Variants in LRP1B observed in about 807,000 individuals in gnomAD.
The protein encoded by LRP1B is low-density lipoprotein receptor-related protein 1B.
LRP1B carries 217 observed loss-of-function variants against 556.6 expected under a neutral mutation model. The ratio of observed to expected loss-of-function variants is 0.39; its 90% CI spans 0.35 to 0.44. LRP1B has a LOEUF of 0.44. LRP1B is among the 20% of genes least tolerant of loss of function. LRP1B has a pLI of 1.00. For missense variants in LRP1B, 5,053 were observed against 5,620.8 expected, an observed-to-expected ratio of 0.90 and a Z score of 3.23; for synonymous variants, 2,047 against 1,865.8, an observed-to-expected ratio of 1.10 and a Z score of -2.50.
intron 3 of LRP1B, among the ~76,000 whole-genome samples, chr2:141,444,463 GTAGAA>G (rs1306977839): frequency 6.6e-6 from 1 of 152,170 alleles, no homozygotes; most frequent in Non-Finnish European, 1.5e-5. Flanking sequence ...CCAATACTAT[GTAGAA>G]TAGGAGTGGT....
intron 77 of LRP1B, among the ~76,000 whole-genome samples, chr2:140,347,824 G>C (rs563144663): frequency 1.3e-5 from 2 of 152,028 alleles, no homozygotes; most frequent in East Asian, 1.9e-4. Flanking sequence ...CAAGGGGTGG[G>C]AAAGTCTCCG....
chr2:140,746,562 G>T (rs1033600277), intron 35 of LRP1B, among the ~76,000 whole-genome samples: 25 of 152,174 alleles, frequency 1.6e-4, no homozygotes, highest in African/African-American at 5.5e-4. Context: ...AGCTAGAAAT[G>T]ATGCAAGTTA....
chr2:141,046,533 T>G (rs1698874654), intron 11 of LRP1B, among the ~76,000 whole-genome samples: 1 of 152,114 alleles, frequency 6.6e-6, no homozygotes, highest in Non-Finnish European at 1.5e-5. Context: ...TTAAATATAT[T>G]TCAGGTGTGA....
intron 43 of LRP1B, among the ~76,000 whole-genome samples, chr2:140,572,705 A>G (rs1169192011): frequency 6.6e-6 from 1 of 151,792 alleles, no homozygotes; most frequent in Admixed American, 6.6e-5. Context: ...TATTCACAAT[A>G]GCCGAAATAC....
chr2:140,314,846 G>A, intron 83 of LRP1B, 89 bp downstream of exon 83: 1 of 843,492 alleles, frequency 1.2e-6, no homozygotes, highest in Non-Finnish European at 1.8e-6. Flanking sequence ...TAAGATATTA[G>A]GAAGTATATT....
chr2:140,442,480 A>G, intron 66 of LRP1B, 24 bp downstream of exon 66: 1 of 1,601,034 alleles, frequency 6.2e-7, no homozygotes, highest in Non-Finnish European at 8.5e-7. Context: ...CGGAGAGATA[A>G]GACCCAGAGT....
At chr2:141,410,440 GATA>G (rs1416116838) in intron 3 of LRP1B, among the ~76,000 whole-genome samples, 1 of 151,930 alleles carries the variant, frequency 6.6e-6, no homozygotes, top group Non-Finnish European at 1.5e-5. Flanking sequence ...ATATTAAGAT[GATA>G]ATGTCATCAA....
intron 3 of LRP1B, among the ~76,000 whole-genome samples, chr2:141,417,764 T>C (rs533790224): frequency 1.3e-5 from 2 of 151,530 alleles, no homozygotes; most frequent in East Asian, 1.9e-4. Context: ...TTCTATTTTT[T>C]TTTTTTTTTT....
At chr2:140,791,325 A>C (rs371490778) in intron 32 of LRP1B, among the ~76,000 whole-genome samples, 1 of 152,200 alleles carries the variant, frequency 6.6e-6, no homozygotes, top group East Asian at 1.9e-4. Flanking sequence ...GCTACTCAGG[A>C]GACTGAGGTG....
chr2:140,271,337 A>T (rs1682450844), intron 85 of LRP1B, among the ~76,000 whole-genome samples: 1 of 152,086 alleles, frequency 6.6e-6, no homozygotes, highest in South Asian at 2.1e-4. Context: ...ATGGTATCAC[A>T]GTGCATCTGG....
chr2:141,146,130 G>A (rs1232525986), intron 7 of LRP1B, among the ~76,000 whole-genome samples: 1 of 151,398 alleles, frequency 6.6e-6, no homozygotes, highest in Non-Finnish European at 1.5e-5. Flanking sequence ...TTGCCATATT[G>A]GCCAGGCTGG....
At chr2:141,437,563 G>A (rs1680808522) in intron 3 of LRP1B, among the ~76,000 whole-genome samples, 1 of 151,738 alleles carries the variant, frequency 6.6e-6, no homozygotes, top group African/African-American at 2.4e-5. Context: ...ATGCACTTTG[G>A]TCATTTCTTT....
At chr2:141,835,260 G>T (rs948557480) in intron 1 of LRP1B, among the ~76,000 whole-genome samples, 1 of 151,900 alleles carries the variant, frequency 6.6e-6, no homozygotes, top group Non-Finnish European at 1.5e-5. Context: ...ATCTTTTATA[G>T]GTCCAGGATG....
chr2:140,720,269 A>C (rs1388018427), intron 35 of LRP1B, among the ~76,000 whole-genome samples: 1 of 152,028 alleles, frequency 6.6e-6, no homozygotes, highest in Non-Finnish European at 1.5e-5. Context: ...TAAAATTAAA[A>C]ATAAACTATC....
At chr2:141,756,156 G>T (rs925040427) in intron 2 of LRP1B, among the ~76,000 whole-genome samples, 1 of 151,816 alleles carries the variant, frequency 6.6e-6, no homozygotes, top group African/African-American at 2.4e-5. Flanking sequence ...CATCCCTTTT[G>T]CCAGAAACTT....
chr2:141,294,936 T>C (rs1686125326), intron 3 of LRP1B, among the ~76,000 whole-genome samples: 1 of 152,080 alleles, frequency 6.6e-6, no homozygotes. Context: ...AAAAAGGTAA[T>C]AATAATTTGT....
intron 3 of LRP1B, among the ~76,000 whole-genome samples, chr2:141,426,174 G>C (rs1680356072): frequency 1.3e-5 from 2 of 151,948 alleles, no homozygotes; most frequent in Non-Finnish European, 1.5e-5. Flanking sequence ...TTATTAAATA[G>C]GTAATCCTTT....
At chr2:141,993,420 G>C (rs1247239909) in intron 1 of LRP1B, among the ~76,000 whole-genome samples, 4 of 48,924 alleles carry the variant, frequency 8.2e-5, no homozygotes, top group African/African-American at 3.0e-4. Context: ...GCTCCACTAG[G>C]AGCAGGAAAT....
intron 3 of LRP1B, among the ~76,000 whole-genome samples, chr2:141,300,963 A>G (rs982239301): frequency 5.3e-5 from 8 of 152,224 alleles, no homozygotes; most frequent in African/African-American, 1.7e-4. Flanking sequence ...AGAATAATAA[A>G]TATAAAATAA....
Sources: allele counts gnomAD v4.1 joint callset (sites outside exome capture counted in the v4.1 genomes callset), GRCh38; gene constraint gnomAD v4.1.1; transcripts MANE v1.5; gene names NCBI Gene and HGNC (gene_info 2026-07-23, HGNC 2026-07-21).